Variants in DENND6A observed in about 807,000 individuals in gnomAD.
The protein encoded by DENND6A is protein DENND6A.
In DENND6A, 43 loss-of-function variants were observed where a neutral mutation model predicts 95.5. The observed-to-expected ratio is 0.45, with a 90% CI of 0.35 to 0.58. The LOEUF (loss-of-function observed/expected upper bound fraction) is 0.58, where lower values mean the gene tolerates loss of function less well. Among genes scored for constraint, DENND6A ranks in the 20% least tolerant of loss-of-function variants. The probability of loss-of-function intolerance (pLI) is 0.00; values close to 1 mark genes in which losing one functional copy is unlikely to be tolerated. For synonymous variants in DENND6A, 257 were observed against 260.4 expected (o/e 0.99, Z 0.13); for missense variants, 574 against 736.0 (o/e 0.78, Z 2.55).
chr3:57,640,098 G>A lies in DENND6A; in HGVS notation c.1132+1555C>T, dbSNP rs191271364. On this transcript the variant is annotated intron_variant, in intron 12 of 19. Transcript: ENST00000311128. ...AAACTGGCCAACATGGTGAAACCCC[G>A]TCTCTACTAAAAATACAAAAATTAG... is the stretch of plus-strand genomic sequence containing the variant. 3.0e-4 allele frequency among the ~76,000 whole-genome samples: 45 copies of A among 151,444 alleles called. 1 individual carries two copies. The highest frequency in any genetic ancestry group is 1.5e-3 in the South Asian group (7 of 4,794).
intron 4 of DENND6A, 89 bp downstream of exon 4, chr3:57,666,034 A>G: frequency 1.8e-6 from 2 of 1,114,726 alleles, no homozygotes; most frequent in Non-Finnish European, 2.6e-6. Context: ...CAAAAGCAAA[A>G]TATTTCTGAA....
rs774635760 is a variant in DENND6A, at chr3:57,692,937, C to T, written c.82G>A (p.Glu28Lys). 13 of 1,556,822 alleles carry T rather than the reference C, an allele frequency of 8.4e-6. No individual in the cohort carries two copies. Among genetic ancestry groups the T allele is most frequent in the African/African-American group, 1.4e-5 (1 of 71,150 alleles). The part of the protein sequence containing the change: ...DEAVAGAEGR[E>K]APALVAAGGA... ...CCCGCCGCCACAAGGGCCGGCGCCT[C>T]GCGGCCCTCGGCCCCTGCCACCGCT... The change falls in exon 1 of 20, where the codon GAG becomes AAG. Residue 28 changes from glutamate to lysine, a missense_variant. By Grantham distance (56) the Glu-to-Lys change is moderately conservative. Around this residue, in one of 2 missense-constraint regions of DENND6A, gnomAD observed 122 missense variants for 105.1 expected, o/e 1.16. Coordinates refer to ENST00000311128, the MANE Select transcript of DENND6A (RefSeq NM_152678.3).
At chr3:57,664,887 A>G (rs1438332039) in intron 4 of DENND6A, among the ~76,000 whole-genome samples, 1 of 152,204 alleles carries the variant, frequency 6.6e-6, no homozygotes, top group Non-Finnish European at 1.5e-5. Context: ...GGTACCATGA[A>G]AAAACACAAA....
At chr3:57,668,879 C>CT (rs1553743329) in intron 3 of DENND6A, among the ~76,000 whole-genome samples, 2 of 151,810 alleles carry the variant, frequency 1.3e-5, no homozygotes, top group Non-Finnish European at 2.9e-5. Flanking sequence ...TACAGTAATC[C>CT]TTTTTTTTCT....
chr3:57,681,635 AAAG>A (rs1311813630), intron 1 of DENND6A, among the ~76,000 whole-genome samples: 9 of 150,968 alleles, frequency 6.0e-5, no homozygotes, highest in South Asian at 2.1e-4. Context: ...AAAAAAAAAA[AAAG>A]AAAGAAAGAA....
intron 12 of DENND6A, among the ~76,000 whole-genome samples, chr3:57,635,496 T>C (rs1203360636): frequency 6.6e-6 from 1 of 152,152 alleles, no homozygotes; most frequent in Non-Finnish European, 1.5e-5. Flanking sequence ...AAAGATTTTC[T>C]CCACCCTCCC....
intron 1 of DENND6A, among the ~76,000 whole-genome samples, chr3:57,686,034 G>A (rs2077208935): frequency 6.6e-6 from 1 of 152,144 alleles, no homozygotes; most frequent in Non-Finnish European, 1.5e-5. Context: ...TTAAGCAGAT[G>A]GGTGAGCCCC....
intron 1 of DENND6A, among the ~76,000 whole-genome samples, chr3:57,677,748 A>G (rs2071737113): frequency 6.6e-6 from 1 of 152,074 alleles, no homozygotes; most frequent in Non-Finnish European, 1.5e-5. Flanking sequence ...CACTTTTAAC[A>G]GAAAGAATCA....
intron 12 of DENND6A, among the ~76,000 whole-genome samples, chr3:57,639,510 A>C (rs1487661474): frequency 6.6e-6 from 1 of 152,244 alleles, no homozygotes; most frequent in Non-Finnish European, 1.5e-5. Flanking sequence ...AGTAGGCCCA[A>C]ACCATGAAAA....
intron 9 of DENND6A, among the ~76,000 whole-genome samples, chr3:57,647,249 T>G (rs938469156): frequency 2.0e-5 from 3 of 151,482 alleles, no homozygotes; most frequent in Admixed American, 6.6e-5. Context: ...ATTAGGGGAG[T>G]TAATTTTAAC....
At chr3:57,662,807 T>C (rs944014518) in intron 5 of DENND6A, among the ~76,000 whole-genome samples, 3 of 151,276 alleles carry the variant, frequency 2.0e-5, no homozygotes, top group Non-Finnish European at 4.4e-5. Flanking sequence ...AATATAATAA[T>C]AATAAAAAAA....
At chr3:57,673,588 T>A (rs2071657498) in intron 1 of DENND6A, among the ~76,000 whole-genome samples, 1 of 152,130 alleles carries the variant, frequency 6.6e-6, no homozygotes, top group Non-Finnish European at 1.5e-5. Flanking sequence ...ACTGGAATGT[T>A]CCCAACACAA....
At chr3:57,691,669 C>CAAAAAAAA (rs71091304) in intron 1 of DENND6A, among the ~76,000 whole-genome samples, 1 of 93,602 alleles carries the variant, frequency 1.1e-5, no homozygotes, top group Non-Finnish European at 2.0e-5. Flanking sequence ...TCACCAATAC[C>CAAAAAAAA]AAAAAAAAAA....
intron 4 of DENND6A, among the ~76,000 whole-genome samples, chr3:57,663,969 A>C (rs1473788205): frequency 6.6e-6 from 1 of 152,120 alleles, no homozygotes; most frequent in Non-Finnish European, 1.5e-5. Flanking sequence ...AAATTAAAAC[A>C]AAAAAACCCT....
intron 3 of DENND6A, among the ~76,000 whole-genome samples, chr3:57,667,089 C>T (rs1030916551): frequency 3.9e-5 from 6 of 152,118 alleles, no homozygotes; most frequent in Non-Finnish European, 2.9e-5. Flanking sequence ...AGTGCAGTGG[C>T]GGGATCTAGG....
At chr3:57,629,141 C>A (rs1025789543) in intron 18 of DENND6A, among the ~76,000 whole-genome samples, 7 of 152,104 alleles carry the variant, frequency 4.6e-5, no homozygotes, top group African/African-American at 9.7e-5. Context: ...TTTTTTAGAT[C>A]AAGCAAGAAA....
chr3:57,645,257 T>TC (rs1172980417), intron 11 of DENND6A, among the ~76,000 whole-genome samples: 2 of 151,952 alleles, frequency 1.3e-5, no homozygotes, highest in Non-Finnish European at 2.9e-5. Context: ...AGTCAGGAAT[T>TC]CGAGATCAGC....
intron 19 of DENND6A, 107 bp from the exon 20 acceptor site, chr3:57,628,452 A>T: frequency 7.1e-7 from 1 of 1,410,474 alleles, no homozygotes; most frequent in East Asian, 2.4e-5. Flanking sequence ...AGATACTTTC[A>T]GTCTTAGACC....
intron 3 of DENND6A, among the ~76,000 whole-genome samples, chr3:57,670,826 C>A (rs1433174917): frequency 1.3e-5 from 2 of 152,162 alleles, no homozygotes; most frequent in African/African-American, 4.8e-5. Flanking sequence ...GGATTCCATG[C>A]AGAAAGTCAG....
Sources: gnomAD v4.1 joint callset for allele counts (sites outside exome capture counted in the v4.1 genomes callset) on GRCh38, gnomAD v4.1.1 for gene constraint, gnomAD v4.1.1 regional missense constraint, MANE v1.5 for transcripts, NCBI Gene and HGNC (gene_info 2026-07-23, HGNC 2026-07-21) for gene names.